LPCAT4: variants seen among roughly 807,000 people sequenced by gnomAD.
LPCAT4 encodes lysophosphatidylcholine acyltransferase 4.
In LPCAT4, 30 loss-of-function variants were observed where a neutral mutation model predicts 66.5. That is an observed-to-expected ratio of 0.45 (90% CI 0.34 to 0.61). The LOEUF (loss-of-function observed/expected upper bound fraction) is 0.61, where lower values mean the gene tolerates loss of function less well. LPCAT4 is among the 20% of genes least tolerant of loss of function. LPCAT4 has a pLI of 0.01. For synonymous variants in LPCAT4, 253 were observed against 262.1 expected, an observed-to-expected ratio of 0.97 and a Z score of 0.34; for missense variants, 557 against 656.7, an observed-to-expected ratio of 0.85 and a Z score of 1.66.
chr15:34,363,287 G>A lies in LPCAT4; in HGVS notation c.746+135C>T. The A allele has an allele frequency of 1.1e-6, 1 of 905,558 alleles. No homozygotes were observed. The allele number at this position is 905,558 out of a possible 1,614,324, so 56.1% of individuals were successfully genotyped here. ...TATATGGGGACATCAGGGGGAAAGT[G>A]GTGTCTCCTCTAGAGTTCTCTCAGT... On this transcript the variant is annotated intron_variant, in intron 7 of 13. Coordinates refer to ENST00000314891, the MANE Select transcript of LPCAT4 (RefSeq NM_153613.3). The surrounding 1 kb of genome is among the most constrained non-coding windows in gnomAD (Gnocchi z 4.3).
intron 1 of LPCAT4, among the ~76,000 whole-genome samples, chr15:34,366,469 C>T (rs983182224): frequency 6.6e-6 from 1 of 152,258 alleles, no homozygotes; most frequent in East Asian, 1.9e-4. Flanking sequence ...AGCCTCCCTG[C>T]CCCCACCGGG....
chr15:34,364,162 A>C, intron 4 of LPCAT4, 32 bp downstream of exon 4: 1 of 1,591,486 alleles, frequency 6.3e-7, no homozygotes, highest in Non-Finnish European at 8.6e-7. Context: ...GCACATGGAA[A>C]GTGAGAAGAT....
chr15:34,361,554 C>T, intron 10 of LPCAT4, 22 bp from the exon 11 acceptor site: 1 of 1,611,712 alleles, frequency 6.2e-7, no homozygotes, highest in Non-Finnish European at 8.5e-7. Flanking sequence ...TTGTTGAAGG[C>T]AGAGAGCTGT....
In LPCAT4 at chr15:34,359,161, C is replaced by T. The variant is rs755779061; in HGVS notation, c.1541G>A (p.Gly514Glu). 2 of 1,606,648 alleles carry T rather than the reference C, an allele frequency of 1.2e-6. No homozygotes were observed. Among genetic ancestry groups the T allele is most frequent in the Admixed American group, 1.7e-5 (1 of 59,150 alleles). ...CTTCTGCTTGGGTGCTTGCACAGTC[C>T]CATTGGCCAGAGCAGTGGGGTTGCC... ...SPGNPTALAN[G>E]TVQAPKQKGD The change falls in exon 14 of 14, where the codon GGG becomes GAG. Residue 514 changes from glycine to glutamate, a missense_variant. Transcript: ENST00000314891.
chr15:34,366,525 A>T (rs1178169967), intron 1 of LPCAT4, among the ~76,000 whole-genome samples: 1 of 151,938 alleles, frequency 6.6e-6, no homozygotes, highest in Non-Finnish European at 1.5e-5. Flanking sequence ...GAGTGGGAAG[A>T]GGGAGTGTAG....
At chr15:34,362,129 CCCTT>C in intron 10 of LPCAT4, 63 bp downstream of exon 10, 1 of 1,374,580 alleles carries the variant, frequency 7.3e-7, no homozygotes, top group Non-Finnish European at 9.9e-7. Flanking sequence ...CTCATTTCTC[CCCTT>C]CTTATTCTCT....
At chr15:34,360,290 C>T in intron 11 of LPCAT4, 81 bp from the exon 12 acceptor site, 1 of 1,053,146 alleles carries the variant, frequency 9.5e-7, no homozygotes, top group Non-Finnish European at 1.5e-6. Flanking sequence ...CCTCCCTCTT[C>T]TCAGCAAATA....
chr15:34,364,295 A>G lies in LPCAT4; in HGVS notation c.490T>C (p.Phe164Leu), dbSNP rs1474866665. ...CGGGATACCAGGATGGCTTGGTTGA[A>G]TCGAAGAAGGGCTGGGGTTGGGAAG... ...SVPVIGALLR[F>L]NQAILVSRHD... is the part of the protein sequence containing the mutation. Residue 164 changes from phenylalanine to leucine, a missense_variant, in exon 4 of 14, where the codon TTC becomes CTC. This residue lies in a region of LPCAT4 where 392 missense variants were observed against 473.9 expected (regional missense o/e 0.83). Coordinates refer to ENST00000314891, the MANE Select transcript of LPCAT4 (RefSeq NM_153613.3). The G allele has an allele frequency of 6.2e-6, 10 of 1,612,700 alleles. No individual in the cohort carries two copies. Among genetic ancestry groups the G allele is most frequent in the African/African-American group, 1.3e-5 (1 of 75,030 alleles).
intron 8 of LPCAT4, 57 bp from the exon 9 acceptor site, chr15:34,362,712 C>T: frequency 6.2e-7 from 1 of 1,611,238 alleles, no homozygotes; most frequent in Non-Finnish European, 8.5e-7. Context: ...TATGACCACT[C>T]CCACCCTCTT....
intron 11 of LPCAT4, 132 bp downstream of exon 11, chr15:34,361,268 G>A (rs749140260): frequency 1.4e-4 from 217 of 1,506,560 alleles, no homozygotes; most frequent in Non-Finnish European, 1.9e-4. Context: ...CTCAGGGGAT[G>A]GCCATCTAAC....
intron 10 of LPCAT4, among the ~76,000 whole-genome samples, chr15:34,361,913 G>A (rs1890954513): frequency 1.3e-5 from 2 of 152,204 alleles, no homozygotes; most frequent in Middle Eastern, 3.4e-3. Context: ...TGGTCAGGCT[G>A]GTCTTGAACT....
rs1303466499 is a variant in LPCAT4 at position 34,363,199 on chromosome 15, A to G, written c.746+223T>C. Among the ~76,000 whole-genome samples, 2 of 152,234 alleles carry G rather than the reference A, an allele frequency of 1.3e-5. No homozygotes were observed. Among genetic ancestry groups the G allele is most frequent in the Non-Finnish European group, 2.9e-5 (2 of 68,042 alleles). On this transcript the variant is annotated intron_variant, in intron 7 of 13. Coordinates refer to ENST00000314891, the MANE Select transcript of LPCAT4 (RefSeq NM_153613.3). The surrounding 1 kb of genome is among the most constrained non-coding windows in gnomAD (Gnocchi z 4.3). ...CACAGAAACATGGGAAGATAAATGC[A>G]TAGCAGCCATAATCACAGCAGGAAC...
chr15:34,365,796 C>T (rs1169613485), intron 1 of LPCAT4, 95 bp from the exon 2 acceptor site: 1 of 1,428,128 alleles, frequency 7.0e-7, no homozygotes, highest in African/African-American at 1.4e-5. Context: ...GAGCAGACAG[C>T]CATCATCCCT....
intron 7 of LPCAT4, 111 bp from the exon 8 acceptor site, chr15:34,362,947 GC>G: frequency 9.4e-7 from 1 of 1,060,116 alleles, no homozygotes; most frequent in Non-Finnish European, 1.4e-6. Context: ...GAAAAGTTCT[GC>G]CCATTGATAA....
At chr15:34,365,496 G>A (rs1891055255) in intron 2 of LPCAT4, 63 bp downstream of exon 2, 3 of 1,600,642 alleles carry the variant, frequency 1.9e-6, no homozygotes, top group East Asian at 4.5e-5. Context: ...TCTTCTCAAA[G>A]AGGGAGCCGA....
intron 7 of LPCAT4, 86 bp from the exon 8 acceptor site, chr15:34,362,922 C>G: frequency 7.4e-7 from 1 of 1,352,854 alleles, no homozygotes; most frequent in South Asian, 1.2e-5. Context: ...CTTCCCCAAC[C>G]CAGGTGGGGA....
At chr15:34,360,048 G>A in intron 12 of LPCAT4, 63 bp downstream of exon 12, 1 of 1,333,240 alleles carries the variant, frequency 7.5e-7, no homozygotes, top group Non-Finnish European at 1.1e-6. Flanking sequence ...TACCAAAATA[G>A]GCCTCCTGGA....
At chr15:34,359,398 A>T in intron 13 of LPCAT4, 96 bp from the exon 14 acceptor site, 1 of 1,337,536 alleles carries the variant, frequency 7.5e-7, no homozygotes. Flanking sequence ...TTGTGCCTCT[A>T]CTCTGTTTAA....
chr15:34,364,383 T>A, intron 3 of LPCAT4, 77 bp from the exon 4 acceptor site: 3 of 785,408 alleles, frequency 3.8e-6, no homozygotes, highest in Non-Finnish European at 6.5e-6. Context: ...CTCCACTTCC[T>A]CAACAGCATG....
Sources: allele counts gnomAD v4.1 joint callset (sites outside exome capture counted in the v4.1 genomes callset), GRCh38; gene constraint gnomAD v4.1.1; regional missense constraint gnomAD v4.1.1; non-coding constraint Gnocchi (gnomAD v3.1); transcripts MANE v1.5; gene names NCBI Gene and HGNC (gene_info 2026-07-23, HGNC 2026-07-21).